The following STIM2 variants were observed in gnomAD, a reference collection of about 807,000 sequenced individuals.
STIM2 encodes the protein stromal interaction molecule 2.
A neutral mutation model predicts 85.8 loss-of-function variants in STIM2; 31 were observed. That is an observed-to-expected ratio of 0.36 (90% CI 0.27 to 0.49). STIM2 has a LOEUF of 0.49. Ranked by LOEUF, STIM2 falls within the 20% of genes least tolerant of loss-of-function variation. The pLI, the probability that STIM2 is intolerant of heterozygous loss-of-function variation, is 0.98. For synonymous variants in STIM2, 356 were observed against 331.1 expected (o/e 1.08, Z -0.82); for missense variants, 841 against 927.6 (o/e 0.91, Z 1.21).
chr4:26,860,924 C>CTTTTT lies in STIM2; in HGVS notation c.-281_-277dup. 3 of 1,010,186 alleles carry CTTTTT rather than the reference C, an allele frequency of 3.0e-6. No homozygotes were observed. Among genetic ancestry groups the CTTTTT allele is most frequent in the South Asian group, 2.2e-5 (1 of 46,334 alleles). 62.6% of individuals were successfully genotyped at this position (1,010,186 alleles called of 1,614,324 possible). A position where few individuals can be genotyped will look rare whatever the true frequency, so the allele number is the denominator to read the frequency against. ...GACGCCGTACCTTTCTACCCCCCAC[C>CTTTTT]TTTTTTTTTTTTTTTTTTAAATAAC... On this transcript the variant is annotated 5_prime_UTR_variant, in exon 1 of 12. Coordinates refer to ENST00000467087, the MANE Select transcript of STIM2 (RefSeq NM_020860.4).
chr4:27,017,408 A>G (rs1372956734), intron 10 of STIM2, among the ~76,000 whole-genome samples: 1 of 152,236 alleles, frequency 6.6e-6, no homozygotes, highest in East Asian at 1.9e-4. Flanking sequence ...TTTTAAATTT[A>G]AAGATTTGTT....
At chr4:26,895,884 A>G (rs1723680848) in intron 1 of STIM2, among the ~76,000 whole-genome samples, 1 of 152,242 alleles carries the variant, frequency 6.6e-6, no homozygotes. Context: ...CTACTGCTGC[A>G]TAATGAATTA....
At chr4:26,863,122 A>G (rs999544793) in intron 1 of STIM2, among the ~76,000 whole-genome samples, 1 of 152,156 alleles carries the variant, frequency 6.6e-6, no homozygotes, top group Admixed American at 6.5e-5. Context: ...TGGAATTTTA[A>G]TAAGCCATTT....
At position 26,894,880 on chromosome 4, in the gene STIM2, CATACTT is replaced by C. The variant is rs1296512197; in HGVS notation, c.152-24620_152-24615del. On this transcript the variant is annotated intron_variant, in intron 1 of 11. Transcript: ENST00000467087. Reference sequence around the variant, plus strand: ...ATTAAATTGATTTGGAGGCAGTTGACATACTTATAACATTCAGTCATCCAGTCTAAA... The same window carrying C: ...ATTAAATTGATTTGGAGGCAGTTGACATAACATTCAGTCATCCAGTCTAAA... Among the ~76,000 whole-genome samples, 9 of 152,190 alleles carry C rather than the reference CATACTT, an allele frequency of 5.9e-5. No individual in the cohort carries two copies. The South Asian group carries it at 8.3e-4, about 14-fold the overall frequency.
chr4:27,023,604 A>G lies in STIM2; in HGVS notation c.*608A>G, dbSNP rs924485159. On this transcript the variant is annotated 3_prime_UTR_variant, in exon 12 of 12. Transcript: ENST00000467087. ...GGTTTCTAATTGACTTGATTTCTGG[A>G]AATGAAAACCCGCGCTTTTATTATG... 1.3e-5 allele frequency: 2 copies of G among 152,334 alleles called. No homozygotes were observed. Among genetic ancestry groups the G allele is most frequent in the African/African-American group, 2.4e-5 (1 of 41,450 alleles). 9.4% of individuals were successfully genotyped at this position (152,334 alleles called of 1,614,324 possible). A position where few individuals can be genotyped will look rare whatever the true frequency, so the allele number is the denominator to read the frequency against.
chr4:27,011,329 T>G (rs1728547861), intron 10 of STIM2, among the ~76,000 whole-genome samples: 1 of 152,238 alleles, frequency 6.6e-6, no homozygotes, highest in Non-Finnish European at 1.5e-5. Flanking sequence ...CACTGCTTAA[T>G]GAGTTAACCA....
At chr4:26,878,338 G>GGT (rs1722888227) in intron 1 of STIM2, among the ~76,000 whole-genome samples, 1 of 152,078 alleles carries the variant, frequency 6.6e-6, no homozygotes, top group South Asian at 2.1e-4. Context: ...TTGTGACTGA[G>GGT]GTAGTACTTG....
chr4:26,902,797 C>T (rs1328526083), intron 1 of STIM2, among the ~76,000 whole-genome samples: 1 of 152,160 alleles, frequency 6.6e-6, no homozygotes, highest in African/African-American at 2.4e-5. Flanking sequence ...CGGAGGGGAA[C>T]TATTGCAGAG....
chr4:26,949,091 G>T (rs186150070), intron 2 of STIM2, among the ~76,000 whole-genome samples: 97 of 152,182 alleles, frequency 6.4e-4, no homozygotes, highest in Non-Finnish European at 5.0e-4. Context: ...ACTTAGAATA[G>T]AATTGCTTTT....
At chr4:26,943,136 C>G (rs1447876740) in intron 2 of STIM2, among the ~76,000 whole-genome samples, 1 of 151,874 alleles carries the variant, frequency 6.6e-6, no homozygotes, top group African/African-American at 2.4e-5. Flanking sequence ...TGCTGGGATT[C>G]ATTAATTTAT....
Position 27,022,553 on chromosome 4 carries a change from T to C in STIM2, c.1798T>C (p.Leu600=). ...AGACACAGCTTCAGAATGTGACTCCTTAAATTCTTCCATTGGAAGGAAACA... is the reference window on the plus strand; with the variant it reads ...AGACACAGCTTCAGAATGTGACTCCCTAAATTCTTCCATTGGAAGGAAACA... The change falls in exon 12 of 12, where the codon TTA becomes CTA. Residue 600 remains leucine, a synonymous_variant. Coordinates refer to ENST00000467087, the MANE Select transcript of STIM2 (RefSeq NM_020860.4). The C allele has an allele frequency of 1.9e-6, 3 of 1,605,508 alleles. No individual in the cohort carries two copies. The highest frequency in any genetic ancestry group is 2.2e-5 in the East Asian group (1 of 44,664).
At chr4:26,984,552 A>G (rs1440457104) in intron 3 of STIM2, among the ~76,000 whole-genome samples, 2 of 152,128 alleles carry the variant, frequency 1.3e-5, no homozygotes, top group Non-Finnish European at 2.9e-5. Context: ...TTTAGTAGAG[A>G]TGGGGTTTCG....
In STIM2 at chr4:26,919,598, C is replaced by T. The variant is rs1174321817; in HGVS notation, c.246C>T (p.Asp82=). 6.2e-7 allele frequency: 1 copy of T among 1,613,468 alleles called. No individual in the cohort carries two copies. Among genetic ancestry groups the T allele is most frequent in the Non-Finnish European group, 8.5e-7 (1 of 1,179,708 alleles). ...CAATACATAAACAAATGGATGATGACAAAGATGGTGGAATTGAAGTAGAGG... is the reference window on the plus strand; with the variant it reads ...CAATACATAAACAAATGGATGATGATAAAGATGGTGGAATTGAAGTAGAGG... The change falls in exon 2 of 12, where the codon GAC becomes GAT. Residue 82 remains aspartate, a synonymous_variant. Coordinates refer to ENST00000467087, the MANE Select transcript of STIM2 (RefSeq NM_020860.4).
At chr4:26,928,923 T>G (rs1725097064) in intron 2 of STIM2, among the ~76,000 whole-genome samples, 1 of 152,174 alleles carries the variant, frequency 6.6e-6, no homozygotes, top group South Asian at 2.1e-4. Flanking sequence ...GTATTTCTCT[T>G]ACTATTTAAA....
chr4:26,908,626 G>A (rs1202833020), intron 1 of STIM2, among the ~76,000 whole-genome samples: 1 of 152,188 alleles, frequency 6.6e-6, no homozygotes, highest in Admixed American at 6.5e-5. Context: ...TGGGATTACA[G>A]GCACATGCTA....
At chr4:26,949,811 A>G (rs1234510419) in intron 2 of STIM2, among the ~76,000 whole-genome samples, 1 of 151,954 alleles carries the variant, frequency 6.6e-6, no homozygotes, top group Admixed American at 6.6e-5. Context: ...TCCCCCATTC[A>G]TTATCAGTGT....
intron 2 of STIM2, among the ~76,000 whole-genome samples, chr4:26,920,046 C>T (rs1393644488): frequency 1.3e-5 from 2 of 152,188 alleles, no homozygotes; most frequent in East Asian, 3.9e-4. Context: ...GCCGAGGTCA[C>T]TATGGAAGTT....
intron 2 of STIM2, among the ~76,000 whole-genome samples, chr4:26,932,262 T>TTAA (rs1488787360): frequency 1.3e-5 from 2 of 152,254 alleles, no homozygotes; most frequent in African/African-American, 2.4e-5. Context: ...ATGTAGATTA[T>TTAA]TAATCTTCAA....
intron 2 of STIM2, among the ~76,000 whole-genome samples, chr4:26,940,722 T>C (rs1725578829): frequency 6.6e-6 from 1 of 152,192 alleles, no homozygotes. Flanking sequence ...TGACAATTAT[T>C]ACTTAGTTTA....
Sources: allele counts gnomAD v4.1 joint callset (sites outside exome capture counted in the v4.1 genomes callset), GRCh38; gene constraint gnomAD v4.1.1; transcripts MANE v1.5; gene names NCBI Gene and HGNC (gene_info 2026-07-23, HGNC 2026-07-21).